The following OC90 variants were observed in gnomAD, a reference collection of about 807,000 sequenced individuals.
OC90 encodes otoconin 90.
OC90 carries 46 observed loss-of-function variants against 47.3 expected under a neutral mutation model. The ratio of observed to expected loss-of-function variants is 0.97; its 90% CI spans 0.77 to 1.24. The LOEUF (loss-of-function observed/expected upper bound fraction) is 1.24. OC90 is among the 50% of genes most tolerant of loss of function. OC90 has a pLI of 0.00. For missense variants in OC90, 688 were observed against 583.9 expected, an observed-to-expected ratio of 1.18 and a Z score of -1.84; for synonymous variants, 271 against 219.5, an observed-to-expected ratio of 1.23 and a Z score of -2.07.
intron 12 of OC90, among the ~76,000 whole-genome samples, chr8:132,031,355 A>T (rs1822871378): frequency 6.6e-6 from 1 of 152,196 alleles, no homozygotes; most frequent in African/African-American, 2.4e-5. Context: ...TGAATACATT[A>T]ATAAGTGCAT....
Position 132,041,587 on chromosome 8 carries a change from A to G in OC90, c.282T>C (p.Phe94=), listed in dbSNP as rs765849463. The G allele has an allele frequency of 5.0e-6, 8 of 1,613,264 alleles. No homozygotes were observed. The Admixed American group carries it at 1.3e-4, about 27-fold the overall frequency. Residue 94 remains phenylalanine, a synonymous_variant, in exon 5 of 14, where the codon TTT becomes TTC. Coordinates refer to ENST00000254627, the MANE Select transcript of OC90 (RefSeq NM_001080399.3). ...ACCTGCAGGTGCAACCATAGTCTTC[A>G]AAGTCTCGGGGGCAGAGACCAGCCA... The part of the protein sequence containing the change: ...KCVAGLCPRD[F]EDYGCTCRFE...
intron 2 of OC90, among the ~76,000 whole-genome samples, chr8:132,047,116 TGA>T (rs748616762): frequency 2.4e-4 from 37 of 152,210 alleles, no homozygotes; most frequent in Non-Finnish European, 4.7e-4. Flanking sequence ...AACGCATAAC[TGA>T]GAGAGTCACT....
intron 1 of OC90, among the ~76,000 whole-genome samples, chr8:132,057,947 C>A (rs1215334966): frequency 6.6e-6 from 1 of 152,216 alleles, no homozygotes; most frequent in Non-Finnish European, 1.5e-5. Context: ...GGCTCCAATA[C>A]CCTAAACTGC....
chr8:132,054,766 G>A (rs1444762246), intron 2 of OC90, among the ~76,000 whole-genome samples: 1 of 152,134 alleles, frequency 6.6e-6, no homozygotes, highest in African/African-American at 2.4e-5. Flanking sequence ...TGTCATTTTT[G>A]TCACCACAAG....
At chr8:132,052,140 T>C (rs953423348) in intron 2 of OC90, among the ~76,000 whole-genome samples, 7 of 152,118 alleles carry the variant, frequency 4.6e-5, no homozygotes, top group African/African-American at 1.4e-4. Context: ...GTATTCCCTT[T>C]GCCAGGTTTG....
chr8:132,038,343 G>T (rs1011870581), intron 8 of OC90, among the ~76,000 whole-genome samples: 12 of 152,328 alleles, frequency 7.9e-5, no homozygotes, highest in Non-Finnish European at 1.3e-4. Flanking sequence ...GCGCTGGAGA[G>T]TGCGTGGAGA....
rs549160851 is a variant in OC90 at position 132,033,275 on chromosome 8, G to T, written c.734-111C>A. 34 of 1,098,392 alleles carry T rather than the reference G, an allele frequency of 3.1e-5. No homozygotes were observed. In the African/African-American group the frequency reaches 5.2e-4, roughly 17 times the overall value. 68.0% of individuals were successfully genotyped at this position (1,098,392 alleles called of 1,614,324 possible). A position where few individuals can be genotyped will look rare whatever the true frequency, so the allele number is the denominator to read the frequency against. On this transcript the variant is annotated intron_variant, in intron 10 of 13. Transcript: ENST00000254627. ...CAGATAGAACAACATAGTGTTAGGA[G>T]AATGTTCCTCAAACTGGGTTTGCAG...
chr8:132,029,451 C>T (rs544358123), intron 12 of OC90, among the ~76,000 whole-genome samples: 5 of 152,306 alleles, frequency 3.3e-5, no homozygotes, highest in Middle Eastern at 3.4e-3. Flanking sequence ...TTTATTGTAA[C>T]TGTTCATGGC....
chr8:132,037,901 C>A (rs888222424), intron 8 of OC90, among the ~76,000 whole-genome samples: 4 of 152,228 alleles, frequency 2.6e-5, no homozygotes, highest in Non-Finnish European at 5.9e-5. Context: ...CATACACATG[C>A]ACTCACGCTC....
Position 132,024,660 on chromosome 8 carries a change from G to C in OC90, c.1255C>G (p.Pro419Ala). ...TCTTCACAGGCTGCTGGCTGCCCAG[G>C]GCACCCGAGTCTGCTTGGGGACTTG... ...SLKSPSRLGC[P>A]GQPAACEDSL... is the part of the protein sequence containing the mutation. Residue 419 changes from proline (P) to alanine (A), a missense_variant, in exon 14 of 14, where the codon CCT (proline) becomes GCT (alanine). Coordinates refer to ENST00000254627, the MANE Select transcript of OC90 (RefSeq NM_001080399.3). The C allele has an allele frequency of 1.2e-6, 2 of 1,613,294 alleles. No individual in the cohort carries two copies. Among genetic ancestry groups the C allele is most frequent in the South Asian group, 2.2e-5 (2 of 90,992 alleles).
Position 132,024,409 on chromosome 8 carries a change from G to T in OC90, c.*72C>A. ...AAGAAGGCTCCAAGGGACAGAGGAG[G>T]CTGAGAGATAAAGAGCTGAAGGTGG... is the stretch of plus-strand genomic sequence containing the variant. On this transcript the variant is annotated 3_prime_UTR_variant, in exon 14 of 14. Coordinates refer to ENST00000254627, the MANE Select transcript of OC90 (RefSeq NM_001080399.3). 2.5e-6 allele frequency: 3 copies of T among 1,221,500 alleles called. No individual in the cohort carries two copies. The highest frequency in any genetic ancestry group is 3.4e-6 in the Non-Finnish European group (3 of 878,858). 75.7% of individuals were successfully genotyped at this position (1,221,500 alleles called of 1,614,324 possible).
chr8:132,047,872 T>C (rs1221569142), intron 2 of OC90, among the ~76,000 whole-genome samples: 1 of 152,254 alleles, frequency 6.6e-6, no homozygotes, highest in East Asian at 1.9e-4. Context: ...CCAAAATTTA[T>C]ATCTTCGTAC....
At chr8:132,042,316 G>A (rs1398753797) in intron 4 of OC90, among the ~76,000 whole-genome samples, 2 of 152,112 alleles carry the variant, frequency 1.3e-5, no homozygotes. Context: ...GCTACCACAC[G>A]CATATTGGTG....
chr8:132,041,177 G>T (rs773414540), intron 5 of OC90, 21 bp from the exon 6 acceptor site: 24 of 1,507,248 alleles, frequency 1.6e-5, no homozygotes, highest in African/African-American at 2.7e-5. Flanking sequence ...GCCGGGAGGA[G>T]GCAGGGTGAG....
In OC90 at chr8:132,030,181, T is replaced by A. The variant is rs532795269; in HGVS notation, c.1032-1002A>T. Reference sequence around the variant, plus strand: ...GATGGGTGGGGATGGATACTTGATATAATACTTAAAATCTAAAGTCAGTGA... The same window carrying A: ...GATGGGTGGGGATGGATACTTGATAAAATACTTAAAATCTAAAGTCAGTGA... On this transcript the variant is annotated intron_variant, in intron 12 of 13. Coordinates refer to ENST00000254627, the MANE Select transcript of OC90 (RefSeq NM_001080399.3). Among the ~76,000 whole-genome samples, 8 of 152,314 alleles carry A rather than the reference T, an allele frequency of 5.3e-5. No homozygotes were observed. In the South Asian group the frequency reaches 1.5e-3, roughly 28 times the overall value.
intron 2 of OC90, among the ~76,000 whole-genome samples, chr8:132,047,738 A>G (rs1156844142): frequency 6.6e-6 from 1 of 152,216 alleles, no homozygotes; most frequent in Non-Finnish European, 1.5e-5. Flanking sequence ...GACTAGAAAG[A>G]AAAAAATAAG....
At position 132,033,734 on chromosome 8, in the gene OC90, G is replaced by C. The variant is rs541146422; in HGVS notation, c.734-570C>G. Among the ~76,000 whole-genome samples, 4 of 152,234 alleles carry C rather than the reference G, an allele frequency of 2.6e-5. No individual in the cohort carries two copies. The South Asian group carries it at 6.2e-4, about 24-fold the overall frequency. On this transcript the variant is annotated intron_variant, in intron 10 of 13. Transcript: ENST00000254627. The stretch of plus-strand genomic sequence containing the variant: ...TACCGCCTGCCTGACACTCTCTCTG[G>C]ATCTCCCTTTGCTCTGATGTGTCAG...
chr8:132,039,869 T>A (rs912721848), intron 6 of OC90, among the ~76,000 whole-genome samples: 1 of 152,018 alleles, frequency 6.6e-6, no homozygotes, highest in Non-Finnish European at 1.5e-5. Flanking sequence ...TTCTTGACCT[T>A]CCCATTTAAA....
chr8:132,049,970 G>T, intron 2 of OC90: 1 of 419,878 alleles, frequency 2.4e-6, no homozygotes, highest in South Asian at 1.7e-5. Context: ...ACCTCTACGT[G>T]ATTCAAATTC....
Sources: gnomAD v4.1 joint callset for allele counts (sites outside exome capture counted in the v4.1 genomes callset) on GRCh38, gnomAD v4.1.1 for gene constraint, MANE v1.5 for transcripts, NCBI Gene and HGNC (gene_info 2026-07-23, HGNC 2026-07-21) for gene names.